The following PPARD variants were observed in gnomAD, a reference collection of about 807,000 sequenced individuals.
PPARD encodes the protein peroxisome proliferator activated receptor delta.
Under a neutral mutation model 39.5 loss-of-function variants are expected in PPARD, and 6 were observed. The observed-to-expected ratio is 0.15, with a 90% CI of 0.08 to 0.30. The LOEUF (loss-of-function observed/expected upper bound fraction) is 0.30, where lower values mean the gene tolerates loss of function less well. PPARD is among the 10% of genes least tolerant of loss of function. The pLI, the probability that PPARD is intolerant of heterozygous loss-of-function variation, is 1.00. For missense variants in PPARD, 397 were observed against 596.8 expected, an observed-to-expected ratio of 0.67 and a Z score of 3.49; for synonymous variants, 210 against 231.3, an observed-to-expected ratio of 0.91 and a Z score of 0.83.
At chr6:35,377,591 AAGTTACTTATC>A (rs1480433942) in intron 2 of PPARD, among the ~76,000 whole-genome samples, 1 of 152,204 alleles carries the variant, frequency 6.6e-6, no homozygotes, top group Non-Finnish European at 1.5e-5. Flanking sequence ...GATTTTGGAC[AAGTTACTTATC>A]CCTTCCATAA....
At chr6:35,343,378 T>A (rs1791974668) in intron 1 of PPARD, among the ~76,000 whole-genome samples, 1 of 152,132 alleles carries the variant, frequency 6.6e-6, no homozygotes. Flanking sequence ...CTGTTTTTGC[T>A]CCTTTTTCCG....
At position 35,426,332 on chromosome 6, in the gene PPARD, T is replaced by C. The variant is rs779995128; in HGVS notation, c.*253T>C. 5.4e-6 allele frequency: 3 copies of C among 559,472 alleles called. No individual in the cohort carries two copies. Among genetic ancestry groups the C allele is most frequent in the African/African-American group, 1.9e-5 (1 of 53,038 alleles). The allele number at this position is 559,472 out of a possible 1,614,324, so 34.7% of individuals were successfully genotyped here. A position where few individuals can be genotyped will look rare whatever the true frequency, so the allele number is the denominator to read the frequency against. On this transcript the variant is annotated 3_prime_UTR_variant, in exon 8 of 8. Transcript: ENST00000360694. ...CTCTTTCTTTTCTAATTCCTGTTGC[T>C]CTGTTTCTTCCTTTCTGTAGGTTTC... is the stretch of plus-strand genomic sequence containing the variant.
Position 35,428,093 on chromosome 6 carries a change from C to G in PPARD, c.*2014C>G, listed in dbSNP as rs1327817481. On this transcript the variant is annotated 3_prime_UTR_variant, in exon 8 of 8. Transcript: ENST00000360694. ...TCCAAAATTGAAATGTATATTTTTG[C>G]TAGGAGCCCCAGCTTCCTGTGTTTT... 6.6e-6 allele frequency: 1 copy of G among 152,660 alleles called. No individual in the cohort carries two copies. Among genetic ancestry groups the G allele is most frequent in the Non-Finnish European group, 1.5e-5 (1 of 68,052 alleles). The allele number at this position is 152,660 out of a possible 1,614,324, so 9.5% of individuals were successfully genotyped here.
chr6:35,354,719 G>A (rs1022039535), intron 2 of PPARD, among the ~76,000 whole-genome samples: 1 of 152,188 alleles, frequency 6.6e-6, no homozygotes, highest in Non-Finnish European at 1.5e-5. Flanking sequence ...GAAATGTTCT[G>A]GCACATTTGC....
chr6:35,349,084 G>A, intron 2 of PPARD: 1 of 923,176 alleles, frequency 1.1e-6, no homozygotes, highest in Non-Finnish European at 1.3e-6. Flanking sequence ...GGAGTGCAGT[G>A]GCGCGATCTA....
At chr6:35,362,015 G>A (rs543615397) in intron 2 of PPARD, among the ~76,000 whole-genome samples, 5 of 152,242 alleles carry the variant, frequency 3.3e-5, no homozygotes, top group South Asian at 2.1e-4. Flanking sequence ...ATGCTCATTC[G>A]TTATAGATGA....
intron 2 of PPARD, among the ~76,000 whole-genome samples, chr6:35,354,966 T>TC (rs1298152012): frequency 6.6e-6 from 1 of 152,168 alleles, no homozygotes; most frequent in Admixed American, 6.5e-5. Flanking sequence ...TCCTGAGCCT[T>TC]CATTTTCTTC....
rs1002829380 is a variant in PPARD at position 35,412,564 on chromosome 6, A to G, written c.130+1347A>G. On this transcript the variant is annotated intron_variant, in intron 3 of 7. Transcript: ENST00000360694. The surrounding 1 kb of genome is among the most constrained non-coding windows in gnomAD (Gnocchi z 4.1). Reference sequence around the variant, plus strand: ...CAGGCTCCTGTTTGGGTCTGCAGCTAAGATGGGTCTGAATCCTGGAGCCAC... The same window carrying G: ...CAGGCTCCTGTTTGGGTCTGCAGCTGAGATGGGTCTGAATCCTGGAGCCAC... Among the ~76,000 whole-genome samples, 4 of 152,230 alleles carry G rather than the reference A, an allele frequency of 2.6e-5. No individual in the cohort carries two copies. Among genetic ancestry groups the G allele is most frequent in the African/African-American group, 9.6e-5 (4 of 41,460 alleles).
At chr6:35,420,819 CTT>C (rs35852986) in intron 4 of PPARD, among the ~76,000 whole-genome samples, 31 of 85,728 alleles carry the variant, frequency 3.6e-4, no homozygotes, top group East Asian at 9.2e-4. Flanking sequence ...AACAAAGAAG[CTT>C]TTTTTTTTTT....
intron 4 of PPARD, among the ~76,000 whole-genome samples, chr6:35,421,485 G>A (rs563626447): frequency 1.3e-5 from 2 of 151,108 alleles, no homozygotes; most frequent in South Asian, 2.1e-4. Flanking sequence ...TTACAGGGGT[G>A]TGCCACTACA....
At chr6:35,385,072 C>A (rs1763527297) in intron 2 of PPARD, among the ~76,000 whole-genome samples, 1 of 146,600 alleles carries the variant, frequency 6.8e-6, no homozygotes, top group Non-Finnish European at 1.5e-5. Flanking sequence ...GCGCCTCTGC[C>A]CGGCCGCCCC....
chr6:35,419,972 C>G (rs1046784408), intron 3 of PPARD, among the ~76,000 whole-genome samples, 155 bp from the exon 4 acceptor site: 1 of 152,312 alleles, frequency 6.6e-6, no homozygotes, highest in South Asian at 2.1e-4. Flanking sequence ...GTCAGTACCC[C>G]CTGTTCTAGG....
chr6:35,355,577 AAGTGC>A, intron 2 of PPARD, among the ~76,000 whole-genome samples: 1 of 140,714 alleles, frequency 7.1e-6, no homozygotes, highest in Admixed American at 6.9e-5. Context: ...AAAAAAAAAA[AAGTGC>A]TTTCTTCTTC....
chr6:35,369,625 C>CT (rs1230741331), intron 2 of PPARD, among the ~76,000 whole-genome samples: 1 of 152,210 alleles, frequency 6.6e-6, no homozygotes, highest in East Asian at 1.9e-4. Context: ...TTGAAACCTG[C>CT]TTTAAACATT....
rs1014063944 is a variant in PPARD, at chr6:35,363,806, T to G, written c.-102+16656T>G. On this transcript the variant is annotated intron_variant, in intron 2 of 7. Coordinates refer to ENST00000360694, the MANE Select transcript of PPARD (RefSeq NM_006238.5). This position sits in a 1 kb window ranked among gnomAD's most constrained non-coding sequence, Gnocchi z 4.5. ...CAGAATGTGAGCAGTTTATTTTATT[T>G]TATATTCTACATATTTTTATAGCAT... 1.3e-5 allele frequency among the ~76,000 whole-genome samples: 2 copies of G among 152,150 alleles called. No homozygotes were observed. Among genetic ancestry groups the G allele is most frequent in the Middle Eastern group, 3.2e-3 (1 of 316 alleles).
At chr6:35,406,114 C>T (rs1279367226) in intron 2 of PPARD, among the ~76,000 whole-genome samples, 1 of 150,958 alleles carries the variant, frequency 6.6e-6, no homozygotes, top group East Asian at 2.0e-4. Flanking sequence ...TTAGTAGAGA[C>T]AGGGTTTTGC....
intron 2 of PPARD, among the ~76,000 whole-genome samples, chr6:35,381,512 C>T (rs1219316343): frequency 3.9e-5 from 6 of 152,098 alleles, no homozygotes; most frequent in Admixed American, 1.3e-4. Context: ...TAGTGCAGGG[C>T]GTCCAACCCC....
intron 2 of PPARD, among the ~76,000 whole-genome samples, chr6:35,352,151 A>G (rs1761295078): frequency 6.6e-6 from 1 of 151,842 alleles, no homozygotes; most frequent in Non-Finnish European, 1.5e-5. Flanking sequence ...GATTAAAGGC[A>G]TGAGCCACTG....
At chr6:35,411,265 A>G (rs1486974989) in intron 3 of PPARD, 48 bp downstream of exon 3, 1 of 1,397,412 alleles carries the variant, frequency 7.2e-7, no homozygotes, top group Non-Finnish European at 9.4e-7. Context: ...GGCACAGCCC[A>G]GTGCAGTGGG....
Sources: allele counts gnomAD v4.1 joint callset (sites outside exome capture counted in the v4.1 genomes callset), GRCh38; gene constraint gnomAD v4.1.1; non-coding constraint Gnocchi (gnomAD v3.1); transcripts MANE v1.5; gene names NCBI Gene and HGNC (gene_info 2026-07-23, HGNC 2026-07-21).